TAFA1: variants seen among roughly 807,000 people sequenced by gnomAD.
The protein encoded by TAFA1 is chemokine-like protein TAFA-1.
Under a neutral mutation model 18.5 loss-of-function variants are expected in TAFA1, and 4 were observed. The ratio of observed to expected loss-of-function variants is 0.22; its 90% CI spans 0.11 to 0.49. TAFA1 has a LOEUF of 0.49. Among genes scored for constraint, TAFA1 ranks in the 20% least tolerant of loss-of-function variants. The pLI is 0.98. For synonymous variants in TAFA1, 56 were observed against 55.2 expected (o/e 1.01, Z -0.06); for missense variants, 147 against 169.0 (o/e 0.87, Z 0.72).
chr3:68,394,882 AGGCACT>A (rs1239916782), intron 2 of TAFA1, among the ~76,000 whole-genome samples: 1 of 152,200 alleles, frequency 6.6e-6, no homozygotes, highest in Admixed American at 6.5e-5. Flanking sequence ...TTCAGGATAT[AGGCACT>A]GGCAAAGACT....
At chr3:68,223,362 A>G (rs1202518771) in intron 2 of TAFA1, among the ~76,000 whole-genome samples, 2 of 152,192 alleles carry the variant, frequency 1.3e-5, no homozygotes, top group African/African-American at 2.4e-5. Context: ...TATGTTAAAT[A>G]CTTTATATAC....
At chr3:68,267,407 T>A (rs1478967849) in intron 2 of TAFA1, among the ~76,000 whole-genome samples, 1 of 152,112 alleles carries the variant, frequency 6.6e-6, no homozygotes, top group Non-Finnish European at 1.5e-5. Context: ...ACTCCAGAAG[T>A]TTTAGTAACT....
chr3:68,249,075 T>A (rs1313232518), intron 2 of TAFA1, among the ~76,000 whole-genome samples: 1 of 152,118 alleles, frequency 6.6e-6, no homozygotes, highest in African/African-American at 2.4e-5. Flanking sequence ...CCTTCCCTAC[T>A]GAAGGTAATA....
At chr3:68,221,098 T>G (rs2107092027) in intron 2 of TAFA1, among the ~76,000 whole-genome samples, 1 of 152,292 alleles carries the variant, frequency 6.6e-6, no homozygotes, top group Middle Eastern at 3.4e-3. Context: ...GCCTCAAGAC[T>G]TCCCTCTGGC....
At chr3:68,236,784 C>T (rs941213249) in intron 2 of TAFA1, among the ~76,000 whole-genome samples, 1 of 152,206 alleles carries the variant, frequency 6.6e-6, no homozygotes, top group Non-Finnish European at 1.5e-5. Flanking sequence ...GAAGTCATCA[C>T]TGAAACTGCT....
chr3:68,198,286 C>G (rs374070221), intron 2 of TAFA1, among the ~76,000 whole-genome samples: 36 of 151,652 alleles, frequency 2.4e-4, no homozygotes, highest in African/African-American at 8.5e-4. Flanking sequence ...TGAACAACAT[C>G]TTCATTGCTT....
chr3:68,120,217 CT>C (rs1305738846), intron 2 of TAFA1, among the ~76,000 whole-genome samples: 1 of 123,922 alleles, frequency 8.1e-6, no homozygotes, highest in East Asian at 2.3e-4. Context: ...TTCTTTCTTT[CT>C]TTCTTTCTTT....
chr3:68,474,615 C>T (rs961655874), intron 3 of TAFA1, among the ~76,000 whole-genome samples: 4 of 152,288 alleles, frequency 2.6e-5, no homozygotes, highest in East Asian at 1.9e-4. Context: ...ACCAAGTTTA[C>T]GTGAGAGTAT....
intron 2 of TAFA1, among the ~76,000 whole-genome samples, chr3:68,147,294 C>T (rs946715248): frequency 6.6e-6 from 1 of 151,978 alleles, no homozygotes; most frequent in East Asian, 1.9e-4. Flanking sequence ...AGGGACCACT[C>T]TTATAGTTTA....
At chr3:68,441,292 C>A (rs2071374787) in intron 3 of TAFA1, among the ~76,000 whole-genome samples, 1 of 152,094 alleles carries the variant, frequency 6.6e-6, no homozygotes, top group Non-Finnish European at 1.5e-5. Context: ...GCTATATGAC[C>A]CAGCAGATCC....
At chr3:68,478,793 G>A (rs1211819159) in intron 3 of TAFA1, among the ~76,000 whole-genome samples, 1 of 151,640 alleles carries the variant, frequency 6.6e-6, no homozygotes, top group Non-Finnish European at 1.5e-5. Context: ...GGTATGTGTT[G>A]TATATGGAAA....
intron 2 of TAFA1, among the ~76,000 whole-genome samples, chr3:68,048,131 C>T (rs1249088656): frequency 6.6e-6 from 1 of 152,054 alleles, no homozygotes; most frequent in Non-Finnish European, 1.5e-5. Flanking sequence ...TAGTTGAGTA[C>T]TCTGTTTCTG....
intron 3 of TAFA1, among the ~76,000 whole-genome samples, chr3:68,481,437 C>A (rs2072234981): frequency 6.6e-6 from 1 of 152,156 alleles, no homozygotes; most frequent in Admixed American, 6.5e-5. Context: ...TTCTCAGAGT[C>A]ACTCATCTTG....
intron 4 of TAFA1, among the ~76,000 whole-genome samples, chr3:68,541,746 A>C (rs1047089414): frequency 6.6e-6 from 1 of 152,192 alleles, no homozygotes; most frequent in African/African-American, 2.4e-5. Context: ...AGTAACTTCA[A>C]TATAAAGATA....
At chr3:68,188,518 T>TAGAG (rs1294462743) in intron 2 of TAFA1, among the ~76,000 whole-genome samples, 1 of 146,984 alleles carries the variant, frequency 6.8e-6, no homozygotes, top group East Asian at 2.0e-4. Context: ...TATATATATA[T>TAGAG]ATATAGAGAG....
At chr3:68,154,687 A>G (rs2106927844) in intron 2 of TAFA1, among the ~76,000 whole-genome samples, 1 of 152,282 alleles carries the variant, frequency 6.6e-6, no homozygotes, top group South Asian at 2.1e-4. Flanking sequence ...TTGCCAGGGA[A>G]TACATGTGAC....
At chr3:68,383,354 G>A (rs371317707) in intron 2 of TAFA1, among the ~76,000 whole-genome samples, 11 of 152,258 alleles carry the variant, frequency 7.2e-5, no homozygotes, top group African/African-American at 2.2e-4. Context: ...TTTGAGGTAT[G>A]TTCCTTCAAT....
chr3:68,334,962 A>C (rs905506287), intron 2 of TAFA1, among the ~76,000 whole-genome samples: 1 of 152,168 alleles, frequency 6.6e-6, no homozygotes, highest in Non-Finnish European at 1.5e-5. Context: ...ACCTAACTTC[A>C]AGGGAATAAA....
chr3:68,488,355 C>A (rs545368140), intron 3 of TAFA1, among the ~76,000 whole-genome samples: 1 of 152,288 alleles, frequency 6.6e-6, no homozygotes, highest in East Asian at 1.9e-4. Flanking sequence ...GCCACGCTGG[C>A]AGCTGATTAG....
Sources: gnomAD v4.1 joint callset for allele counts (sites outside exome capture counted in the v4.1 genomes callset) on GRCh38, gnomAD v4.1.1 for gene constraint, MANE v1.5 for transcripts, NCBI Gene and HGNC (gene_info 2026-07-23, HGNC 2026-07-21) for gene names.